The following POLN variants were observed in gnomAD, a reference collection of about 807,000 sequenced individuals.
The protein encoded by POLN is DNA polymerase nu, also known as DNA polymerase N.
In POLN, 108 loss-of-function variants were observed where a neutral mutation model predicts 113.5. That is an observed-to-expected ratio of 0.95 (90% CI 0.81 to 1.12). POLN has a LOEUF of 1.12. Among genes scored for constraint, POLN ranks in the 50% most tolerant of loss-of-function variants. The pLI is 0.00. For missense variants in POLN, 1,097 were observed against 1,077.1 expected, an observed-to-expected ratio of 1.02 and a Z score of -0.26; for synonymous variants, 386 against 391.5, an observed-to-expected ratio of 0.99 and a Z score of 0.17.
chr4:2,232,462 T>C (rs183835575), intron 2 of POLN, among the ~76,000 whole-genome samples: 278 of 152,330 alleles, frequency 1.8e-3, no homozygotes, highest in Non-Finnish European at 3.2e-3. Flanking sequence ...TGCCAAGTAC[T>C]GTTTTAGAGA....
chr4:2,231,953 T>A, intron 2 of POLN: 1 of 1,410,940 alleles, frequency 7.1e-7, no homozygotes, highest in Non-Finnish European at 9.9e-7. Context: ...ACAGCCTTAA[T>A]CTTTGATTGA....
At chr4:2,225,120 T>C (rs757245759) in intron 3 of POLN, among the ~76,000 whole-genome samples, 5 of 152,024 alleles carry the variant, frequency 3.3e-5, no homozygotes, top group Middle Eastern at 3.4e-3. Flanking sequence ...TCTCCAACCA[T>C]ATAAATTATA....
At chr4:2,146,225 G>T (rs1200749100) in intron 16 of POLN, among the ~76,000 whole-genome samples, 1 of 152,162 alleles carries the variant, frequency 6.6e-6, no homozygotes, top group African/African-American at 2.4e-5. Flanking sequence ...TGTCAAGTAG[G>T]CCAGGCGTGG....
intron 20 of POLN, among the ~76,000 whole-genome samples, chr4:2,088,445 G>A (rs1730597764): frequency 6.6e-6 from 1 of 152,094 alleles, no homozygotes. Context: ...AAAAATATCT[G>A]AGGTCTGATT....
chr4:2,078,093 C>T (rs577959342), intron 23 of POLN, among the ~76,000 whole-genome samples: 157 of 152,350 alleles, frequency 1.0e-3, no homozygotes, highest in Non-Finnish European at 1.7e-3. Flanking sequence ...AAGGGATGCC[C>T]CCAGCCCTGC....
At chr4:2,114,413 A>G (rs762310841) in intron 19 of POLN, among the ~76,000 whole-genome samples, 3 of 152,216 alleles carry the variant, frequency 2.0e-5, no homozygotes, top group Non-Finnish European at 4.4e-5. Flanking sequence ...CATTTCTAGT[A>G]GTGCAGGTCT....
intron 3 of POLN, among the ~76,000 whole-genome samples, chr4:2,225,967 C>T (rs559516623): frequency 1.6e-3 from 241 of 151,196 alleles, no homozygotes; most frequent in African/African-American, 5.5e-3. Flanking sequence ...CCAGCCTGGG[C>T]GACAGAGCAA....
intron 3 of POLN, chr4:2,228,128 A>G (rs1734445611): frequency 6.5e-6 from 1 of 153,670 alleles, no homozygotes; most frequent in African/African-American, 2.4e-5. Context: ...TTTCAATGCA[A>G]TTTCATTACT....
intron 13 of POLN, among the ~76,000 whole-genome samples, chr4:2,160,435 C>G (rs1732551649): frequency 6.6e-6 from 1 of 151,638 alleles, no homozygotes; most frequent in Non-Finnish European, 1.5e-5. Flanking sequence ...TACATAAGGT[C>G]TTGCTCTGTT....
Position 2,235,860 on chromosome 4 carries a change from T to C in POLN, c.-13+5660A>G, listed in dbSNP as rs964615130. On this transcript the variant is annotated intron_variant, in intron 2 of 25. Transcript: ENST00000511885. ...TTTGAGGATGAGAGAGGAATTATAT[T>C]AGGAGGAGCATGTACCATTAAGTGT... Among the ~76,000 whole-genome samples the C allele has an allele frequency of 1.1e-4, 16 of 152,084 alleles. 1 individual carries two copies. Among genetic ancestry groups the C allele is most frequent in the Admixed American group, 9.2e-4 (14 of 15,256 alleles).
At position 2,208,190 on chromosome 4, in the gene POLN, G is replaced by A. The variant is rs1733901871; in HGVS notation, c.511C>T (p.Gln171Ter). 3 of 1,610,284 alleles carry A rather than the reference G, an allele frequency of 1.9e-6. No homozygotes were observed. In the East Asian group the frequency reaches 6.7e-5, roughly 36 times the overall value. The change falls in exon 5 of 26, where the codon CAA becomes TAA. Residue 171 changes from glutamine to a stop codon, truncating the protein, a stop_gained. Coordinates refer to ENST00000511885, the MANE Select transcript of POLN (RefSeq NM_181808.4). LOFTEE classifies it high-confidence loss of function. The stretch of plus-strand genomic sequence containing the variant: ...TCAGTATCTTCTTCCAATGCCATTT[G>A]TTTACTTGTTTTCTCTGACAAATTA... ...YNNLSEKTSK[Q>*]MALEEDTDDA...
chr4:2,124,836 C>T (rs754736378), intron 19 of POLN, among the ~76,000 whole-genome samples: 17 of 151,692 alleles, frequency 1.1e-4, no homozygotes, highest in Non-Finnish European at 2.2e-4. Context: ...ATCCTGGAGG[C>T]GATCATTGTC....
intron 3 of POLN, among the ~76,000 whole-genome samples, chr4:2,218,979 C>T (rs966611619): frequency 1.3e-5 from 2 of 152,192 alleles, no homozygotes; most frequent in Middle Eastern, 3.2e-3. Context: ...TCTGCCATTT[C>T]TCCTAGGTTG....
chr4:2,142,197 CTTTTCTTGTTTCTGCTGTGCCCTT>C (rs1732020024), intron 16 of POLN, among the ~76,000 whole-genome samples: 1 of 152,180 alleles, frequency 6.6e-6, no homozygotes, highest in Admixed American at 6.5e-5. Flanking sequence ...CATGCCGATA[CTTTTCTTGTTTCTGCTGTGCCCTT>C]TCACAAGTTC....
At position 2,167,014 on chromosome 4, in the gene POLN, T is replaced by A. The variant is rs145166324; in HGVS notation, c.1554+3665A>T. On this transcript the variant is annotated intron_variant, in intron 13 of 25. Transcript: ENST00000511885. Reference sequence around the variant, plus strand: ...ACCCTGTTACAGTTCCTCGCTGGAATAGATATTCCATGATGATAAAGACCT... The same window carrying A: ...ACCCTGTTACAGTTCCTCGCTGGAAAAGATATTCCATGATGATAAAGACCT... Among the ~76,000 whole-genome samples, 19 of 152,310 alleles carry A rather than the reference T, an allele frequency of 1.2e-4. No homozygotes were observed. The East Asian group carries it at 3.5e-3, about 28-fold the overall frequency.
chr4:2,153,584 TATA>T (rs2108738401), intron 16 of POLN, among the ~76,000 whole-genome samples: 1 of 152,034 alleles, frequency 6.6e-6, no homozygotes, highest in Admixed American at 6.5e-5. Flanking sequence ...ATGTTATTTG[TATA>T]ATTTTTTTTT....
At chr4:2,132,387 TAGAGA>T (rs1006313576) in intron 16 of POLN, among the ~76,000 whole-genome samples, 17 of 152,298 alleles carry the variant, frequency 1.1e-4, no homozygotes, top group South Asian at 2.1e-4. Context: ...TCTTAGTTCC[TAGAGA>T]AAAGAAAGAG....
intron 16 of POLN, among the ~76,000 whole-genome samples, chr4:2,136,029 A>G (rs1731849101): frequency 6.6e-6 from 1 of 152,154 alleles, no homozygotes; most frequent in African/African-American, 2.4e-5. Flanking sequence ...GCATACTCCT[A>G]ATTTGTTGGA....
chr4:2,210,621 TAATAATAATAA>T (rs1373860688), intron 4 of POLN, among the ~76,000 whole-genome samples: 11 of 130,914 alleles, frequency 8.4e-5, no homozygotes, highest in African/African-American at 2.5e-4. Context: ...ATAATAATAA[TAATAATAATAA>T]AAAAAAGAGG....
Sources: gnomAD v4.1 joint callset for allele counts (sites outside exome capture counted in the v4.1 genomes callset) on GRCh38, gnomAD v4.1.1 for gene constraint, MANE v1.5 for transcripts, NCBI Gene and HGNC (gene_info 2026-07-23, HGNC 2026-07-21) for gene names.